GPC6: variants seen among roughly 807,000 people sequenced by gnomAD.
GPC6 encodes glypican 6, also known as glypican-6.
In GPC6, 14 loss-of-function variants were observed where a neutral mutation model predicts 55.2. That is an observed-to-expected ratio of 0.25 (90% CI 0.17 to 0.40). The LOEUF (loss-of-function observed/expected upper bound fraction) is 0.40, where lower values mean the gene tolerates loss of function less well. GPC6 is among the 10% of genes least tolerant of loss of function. The pLI is 1.00. For missense variants in GPC6, 641 were observed against 708.5 expected, an observed-to-expected ratio of 0.90 and a Z score of 1.08; for synonymous variants, 278 against 259.6, an observed-to-expected ratio of 1.07 and a Z score of -0.68.
chr13:93,714,625 C>A (rs1334935756), intron 2 of GPC6, among the ~76,000 whole-genome samples: 1 of 151,536 alleles, frequency 6.6e-6, no homozygotes, highest in African/African-American at 2.4e-5. Context: ...GCTGGGCAGA[C>A]CCTTGGTCCT....
At position 93,354,724 on chromosome 13, in the gene GPC6, G is replaced by T. The variant is rs185215853; in HGVS notation, c.160+127108G>T. On this transcript the variant is annotated intron_variant, in intron 1 of 8. Coordinates refer to ENST00000377047, the MANE Select transcript of GPC6 (RefSeq NM_005708.5). ...ACGTGTTATATGTTTAATAACCAAG[G>T]TTGGTTAGAATAAGTAGTTTGAAGA... is the stretch of plus-strand genomic sequence containing the variant. Among the ~76,000 whole-genome samples the T allele has an allele frequency of 2.0e-3, 303 of 152,124 alleles. 3 individuals carry two copies. Among genetic ancestry groups the T allele is most frequent in the Non-Finnish European group, 1.2e-3 (81 of 68,004 alleles).
At chr13:94,233,845 T>A (rs1359332810) in intron 4 of GPC6, among the ~76,000 whole-genome samples, 1 of 152,186 alleles carries the variant, frequency 6.6e-6, no homozygotes, top group African/African-American at 2.4e-5. Context: ...TTCTCATAGT[T>A]ATATATGTAC....
intron 2 of GPC6, among the ~76,000 whole-genome samples, chr13:93,609,960 G>C (rs562728435): frequency 6.6e-6 from 1 of 152,130 alleles, no homozygotes; most frequent in Non-Finnish European, 1.5e-5. Flanking sequence ...ATTCTATTCA[G>C]TACCTCCCTG....
chr13:93,554,356 C>T (rs1274526933), intron 2 of GPC6, among the ~76,000 whole-genome samples: 3 of 152,160 alleles, frequency 2.0e-5, no homozygotes, highest in Non-Finnish European at 4.4e-5. Flanking sequence ...TTCCAGGCTA[C>T]TTAGCTTATG....
At chr13:93,965,460 C>T (rs1212943944) in intron 3 of GPC6, among the ~76,000 whole-genome samples, 2 of 152,050 alleles carry the variant, frequency 1.3e-5, no homozygotes, top group Non-Finnish European at 2.9e-5. Context: ...TTCATTCGGT[C>T]AAGAGGAGGA....
intron 1 of GPC6, among the ~76,000 whole-genome samples, chr13:93,544,021 C>T (rs1882438833): frequency 6.6e-6 from 1 of 151,684 alleles, no homozygotes; most frequent in Non-Finnish European, 1.5e-5. Context: ...TGAGATGATA[C>T]ATCACAGTGA....
chr13:93,711,577 T>C (rs1342128926), intron 2 of GPC6, among the ~76,000 whole-genome samples: 2 of 113,406 alleles, frequency 1.8e-5, no homozygotes, highest in Non-Finnish European at 4.5e-5. Flanking sequence ...ATCTAATGTC[T>C]TTTTTAAATT....
At chr13:93,536,787 G>T (rs114904191) in intron 1 of GPC6, among the ~76,000 whole-genome samples, 167 of 152,186 alleles carry the variant, frequency 1.1e-3, no homozygotes, top group African/African-American at 4.0e-3. Flanking sequence ...TTGAAAGCTT[G>T]CCATAGCCAC....
chr13:93,343,325 G>A (rs1416486258), intron 1 of GPC6, among the ~76,000 whole-genome samples: 1 of 152,154 alleles, frequency 6.6e-6, no homozygotes, highest in Non-Finnish European at 1.5e-5. Flanking sequence ...TACGTTCCTT[G>A]TGCTTGCAGA....
At chr13:94,317,681 T>G (rs755031332) in intron 6 of GPC6, among the ~76,000 whole-genome samples, 1 of 152,222 alleles carries the variant, frequency 6.6e-6, no homozygotes, top group Non-Finnish European at 1.5e-5. Context: ...TTTGACAAAA[T>G]GAATAAAATT....
At chr13:94,147,366 T>G (rs896052446) in intron 4 of GPC6, among the ~76,000 whole-genome samples, 1 of 152,160 alleles carries the variant, frequency 6.6e-6, no homozygotes, top group African/African-American at 2.4e-5. Flanking sequence ...GGCATCATCA[T>G]TACAGGATGT....
chr13:93,877,510 C>T (rs1321753149), intron 3 of GPC6, among the ~76,000 whole-genome samples: 1 of 152,062 alleles, frequency 6.6e-6, no homozygotes, highest in East Asian at 1.9e-4. Context: ...TTCCTCTTTC[C>T]CATTCCTATT....
At chr13:94,204,889 C>A (rs1371717219) in intron 4 of GPC6, among the ~76,000 whole-genome samples, 1 of 152,068 alleles carries the variant, frequency 6.6e-6, no homozygotes, top group Non-Finnish European at 1.5e-5. Flanking sequence ...TCTTAGAAAA[C>A]ACTTTTCTCA....
At chr13:93,651,556 C>T (rs1880408600) in intron 2 of GPC6, among the ~76,000 whole-genome samples, 1 of 152,064 alleles carries the variant, frequency 6.6e-6, no homozygotes, top group South Asian at 2.1e-4. Context: ...CAGGTTTAGC[C>T]ACCAGAGAGA....
At chr13:94,331,928 CTCT>C (rs1877445188) in intron 6 of GPC6, among the ~76,000 whole-genome samples, 1 of 152,274 alleles carries the variant, frequency 6.6e-6, no homozygotes, top group Admixed American at 6.5e-5. Flanking sequence ...GCTCTTCTCT[CTCT>C]TTTTTTCTTC....
At chr13:93,361,625 GAA>G (rs931013572) in intron 1 of GPC6, among the ~76,000 whole-genome samples, 26 of 152,124 alleles carry the variant, frequency 1.7e-4, no homozygotes, top group African/African-American at 6.0e-4. Context: ...TTCATAAAAA[GAA>G]AAAGTGTTTA....
chr13:94,235,313 C>T (rs1890848195), intron 4 of GPC6, among the ~76,000 whole-genome samples: 1 of 152,126 alleles, frequency 6.6e-6, no homozygotes, highest in African/African-American at 2.4e-5. Context: ...CTGGGAGCGT[C>T]TCTCACAGTT....
At chr13:93,908,446 G>A (rs1299701184) in intron 3 of GPC6, among the ~76,000 whole-genome samples, 2 of 152,138 alleles carry the variant, frequency 1.3e-5, no homozygotes, top group Non-Finnish European at 2.9e-5. Flanking sequence ...AGATGATTTG[G>A]TAAATAAATC....
intron 6 of GPC6, among the ~76,000 whole-genome samples, chr13:94,329,234 G>T (rs1477015869): frequency 6.6e-6 from 1 of 152,200 alleles, no homozygotes; most frequent in African/African-American, 2.4e-5. Context: ...GCAGGAAAAT[G>T]ATGCTTAAAA....
Sources: allele counts gnomAD v4.1 joint callset (sites outside exome capture counted in the v4.1 genomes callset), GRCh38; gene constraint gnomAD v4.1.1; transcripts MANE v1.5; gene names NCBI Gene and HGNC (gene_info 2026-07-23, HGNC 2026-07-21).